PARVA: variants seen among roughly 807,000 people sequenced by gnomAD.
PARVA encodes the protein alpha-parvin.
In PARVA, 25 loss-of-function variants were observed where a neutral mutation model predicts 52.6. That is an observed-to-expected ratio of 0.48 (90% CI 0.35 to 0.66). The LOEUF (loss-of-function observed/expected upper bound fraction) is 0.66. Among genes scored for constraint, PARVA ranks in the 30% least tolerant of loss-of-function variants. PARVA has a pLI of 0.01. For missense variants in PARVA, 373 were observed against 450.9 expected, an observed-to-expected ratio of 0.83 and a Z score of 1.56; for synonymous variants, 185 against 179.1, an observed-to-expected ratio of 1.03 and a Z score of -0.26.
intron 1 of PARVA, among the ~76,000 whole-genome samples, chr11:12,390,692 G>A (rs1413483287): frequency 2.0e-5 from 3 of 152,190 alleles, no homozygotes; most frequent in African/African-American, 4.8e-5. Flanking sequence ...CCACACTTGA[G>A]ACTTGAAAAT....
intron 1 of PARVA, among the ~76,000 whole-genome samples, chr11:12,389,979 C>T (rs1939634275): frequency 6.6e-6 from 1 of 152,176 alleles, no homozygotes; most frequent in Non-Finnish European, 1.5e-5. Context: ...AGGCAATGCT[C>T]CTCTTCTACT....
At chr11:12,482,167 A>G (rs975950724) in intron 4 of PARVA, among the ~76,000 whole-genome samples, 5 of 151,562 alleles carry the variant, frequency 3.3e-5, no homozygotes, top group South Asian at 2.1e-4. Context: ...AAAAAAAAAA[A>G]AAAAAGAAAA....
rs140440622 is a variant in PARVA at position 12,524,935 on chromosome 11, C to T, written c.1043-2914C>T. 7.0e-3 allele frequency among the ~76,000 whole-genome samples: 1,066 copies of T among 152,322 alleles called. 3 individuals carry two copies. Among genetic ancestry groups the T allele is most frequent in the Middle Eastern group, 0.044 (13 of 294 alleles). The stretch of plus-strand genomic sequence containing the variant: ...TTGAGAACATAAAACAGGACCCCTG[C>T]GCCCAGGCGGGGGTCAGGAAGGCCT... On this transcript the variant is annotated intron_variant, in intron 12 of 12. Coordinates refer to ENST00000334956, the MANE Select transcript of PARVA (RefSeq NM_018222.5).
chr11:12,467,404 T>C (rs1297557047), intron 1 of PARVA, among the ~76,000 whole-genome samples: 1 of 152,244 alleles, frequency 6.6e-6, no homozygotes, highest in Non-Finnish European at 1.5e-5. Flanking sequence ...ATTTCTAGTA[T>C]AATTTTGAAT....
chr11:12,401,204 T>C (rs1365135681), intron 1 of PARVA, among the ~76,000 whole-genome samples: 1 of 152,212 alleles, frequency 6.6e-6, no homozygotes, highest in Non-Finnish European at 1.5e-5. Context: ...ATACTTGGAA[T>C]CTGCAGCGAC....
intron 1 of PARVA, among the ~76,000 whole-genome samples, chr11:12,395,107 A>G (rs953079430): frequency 3.3e-5 from 5 of 149,930 alleles, no homozygotes; most frequent in Non-Finnish European, 7.4e-5. Context: ...AAAAAAAAAA[A>G]AGAAAGAAGA....
chr11:12,420,330 T>G (rs541938818), intron 1 of PARVA, among the ~76,000 whole-genome samples: 1 of 152,342 alleles, frequency 6.6e-6, no homozygotes, highest in South Asian at 2.1e-4. Context: ...TGTGTTTAAT[T>G]TGAACGGGAA....
intron 1 of PARVA, among the ~76,000 whole-genome samples, chr11:12,461,650 A>G (rs10831827): frequency 0.78 from 118,798 of 152,130 alleles, 46,859 homozygotes; most frequent in Middle Eastern, 0.87. Context: ...ATCTCCTTCC[A>G]TGCCTACGAG....
rs1370347470 is a variant in PARVA at position 12,531,288 on chromosome 11, C to G, written c.*3363C>G. On this transcript the variant is annotated 3_prime_UTR_variant, in exon 13 of 13. Transcript: ENST00000334956. ...TCGAGTTGGTTGCAATTTTCAATTGCTGCTATTGGTGCTTTTTAATTATGA... is the reference window on the plus strand; with the variant it reads ...TCGAGTTGGTTGCAATTTTCAATTGGTGCTATTGGTGCTTTTTAATTATGA... Among the ~76,000 whole-genome samples the G allele has an allele frequency of 6.6e-6, 1 of 152,180 alleles. No individual in the cohort carries two copies. Among genetic ancestry groups the G allele is most frequent in the Non-Finnish European group, 1.5e-5 (1 of 68,038 alleles).
At chr11:12,443,463 C>A (rs567232428) in intron 1 of PARVA, among the ~76,000 whole-genome samples, 9 of 152,294 alleles carry the variant, frequency 5.9e-5, no homozygotes, top group East Asian at 5.8e-4. Context: ...AGGCACCACA[C>A]CTGGCCAACT....
At chr11:12,433,863 A>G (rs1394078492) in intron 1 of PARVA, among the ~76,000 whole-genome samples, 2 of 152,212 alleles carry the variant, frequency 1.3e-5, no homozygotes, top group Non-Finnish European at 2.9e-5. Flanking sequence ...TGTTGCAAGT[A>G]CCGTGCCTCC....
chr11:12,461,488 G>A (rs1346816245), intron 1 of PARVA, among the ~76,000 whole-genome samples: 3 of 152,166 alleles, frequency 2.0e-5, no homozygotes, highest in East Asian at 1.9e-4. Flanking sequence ...GGTATGGCAT[G>A]GCAAAGGACA....
At chr11:12,473,468 A>G (rs1384461854) in intron 1 of PARVA, among the ~76,000 whole-genome samples, 1 of 152,088 alleles carries the variant, frequency 6.6e-6, no homozygotes, top group African/African-American at 2.4e-5. Context: ...TCATTCCGAA[A>G]TCTTTTCTGA....
intron 1 of PARVA, among the ~76,000 whole-genome samples, chr11:12,444,446 T>G (rs1025859762): frequency 1.3e-5 from 2 of 151,902 alleles, no homozygotes; most frequent in Non-Finnish European, 2.9e-5. Flanking sequence ...TCTTTGCTTT[T>G]CTTTTTTTTT....
At chr11:12,477,746 A>C (rs2135040906) in intron 3 of PARVA, 101 bp from the exon 4 acceptor site, 1 of 698,956 alleles carries the variant, frequency 1.4e-6, no homozygotes, top group Non-Finnish European at 2.5e-6. Context: ...ATCTAAAGTT[A>C]ATTTGGATTT....
chr11:12,412,613 T>C (rs1940006279), intron 1 of PARVA, among the ~76,000 whole-genome samples: 1 of 152,106 alleles, frequency 6.6e-6, no homozygotes, highest in African/African-American at 2.4e-5. Flanking sequence ...CCAGGCTCTG[T>C]AGCAAGGACA....
At chr11:12,378,484 C>T (rs1939437594) in intron 1 of PARVA, among the ~76,000 whole-genome samples, 2 of 151,836 alleles carry the variant, frequency 1.3e-5, no homozygotes, top group South Asian at 4.1e-4. Context: ...ACACAAACTT[C>T]GTCATGGGCC....
chr11:12,472,822 G>A (rs1460419311), intron 1 of PARVA, among the ~76,000 whole-genome samples: 3 of 152,162 alleles, frequency 2.0e-5, no homozygotes, highest in Admixed American at 2.0e-4. Context: ...TTGGCAAAAA[G>A]CAAGGGGATT....
At chr11:12,523,408 G>A (rs958945489) in intron 12 of PARVA, among the ~76,000 whole-genome samples, 4 of 152,158 alleles carry the variant, frequency 2.6e-5, no homozygotes, top group Non-Finnish European at 5.9e-5. Flanking sequence ...AGACCGTGGG[G>A]GAAGGCTTCG....
Sources: allele counts gnomAD v4.1 joint callset (sites outside exome capture counted in the v4.1 genomes callset), GRCh38; gene constraint gnomAD v4.1.1; transcripts MANE v1.5; gene names NCBI Gene and HGNC (gene_info 2026-07-23, HGNC 2026-07-21).